Variants in MAML2 observed in about 807,000 individuals in gnomAD.
The protein encoded by MAML2 is mastermind like transcriptional coactivator 2, also known as mastermind-like protein 2.
A neutral mutation model predicts 96.1 loss-of-function variants in MAML2; 22 were observed. The observed-to-expected ratio is 0.23, with a 90% CI of 0.16 to 0.33. MAML2 has a LOEUF of 0.33. MAML2 is among the 10% of genes least tolerant of loss of function. The probability of loss-of-function intolerance (pLI) is 1.00; values close to 1 mark genes in which losing one functional copy is unlikely to be tolerated. For missense variants in MAML2, 1,367 were observed against 1,392.4 expected (o/e 0.98, Z 0.29); for synonymous variants, 561 against 521.3 (o/e 1.08, Z -1.04).
chr11:96,225,810 G>C (rs1862202368), intron 1 of MAML2, among the ~76,000 whole-genome samples: 1 of 151,470 alleles, frequency 6.6e-6, no homozygotes, highest in African/African-American at 2.4e-5. Flanking sequence ...CCCACCCTGG[G>C]TGACAGAGCG....
intron 1 of MAML2, among the ~76,000 whole-genome samples, chr11:96,145,600 C>A (rs1860802833): frequency 6.6e-6 from 1 of 152,190 alleles, no homozygotes; most frequent in African/African-American, 2.4e-5. Context: ...CTGTCTCTTT[C>A]ACTTATTAGC....
Position 96,221,655 on chromosome 11 carries a change from G to A in MAML2, c.513+119728C>T, listed in dbSNP as rs908925341. ...GTATTGAGCTCTTTGCTTCTGCACA[G>A]TATAGGGAAGATGTGAGTGGCAGTT... On this transcript the variant is annotated intron_variant, in intron 1 of 4. Coordinates refer to ENST00000524717, the MANE Select transcript of MAML2 (RefSeq NM_032427.4). Among the ~76,000 whole-genome samples, 4 of 145,206 alleles carry A rather than the reference G, an allele frequency of 2.8e-5. No homozygotes were observed. In the East Asian group the frequency reaches 8.5e-4, roughly 31 times the overall value.
In MAML2 at chr11:95,979,305, C is replaced by T; in HGVS notation, c.3114G>A (p.Gly1038=). 6 of 1,613,876 alleles carry T rather than the reference C, an allele frequency of 3.7e-6. No individual in the cohort carries two copies. The highest frequency in any genetic ancestry group is 1.3e-5 in the African/African-American group (1 of 75,038). The stretch of plus-strand genomic sequence containing the variant: ...GACCCCTGAGGGGACCCATGGTTTG[C>T]CCATTTAGTGTTTGGCTCATTTGGT... ...PMNQMSQTLN[G]QTMGPLRGLN... The change falls in exon 5 of 5, where the codon GGG becomes GGA. Residue 1038 remains glycine (G), a synonymous_variant. Coordinates refer to ENST00000524717, the MANE Select transcript of MAML2 (RefSeq NM_032427.4).
chr11:96,334,128 C>T (rs1293687460), intron 1 of MAML2, among the ~76,000 whole-genome samples: 1 of 152,178 alleles, frequency 6.6e-6, no homozygotes, highest in Non-Finnish European at 1.5e-5. Flanking sequence ...GTGATGTCTC[C>T]ATATTCAACT....
intron 2 of MAML2, among the ~76,000 whole-genome samples, chr11:96,088,050 T>C (rs1175461902): frequency 1.3e-5 from 2 of 152,186 alleles, no homozygotes; most frequent in African/African-American, 4.8e-5. Context: ...ATTAGATATA[T>C]ACAATACTAC....
rs189077388 is a variant in MAML2, at chr11:96,018,660, C to T, written c.2140-26937G>A. The stretch of plus-strand genomic sequence containing the variant: ...CGCCCAGGCTGGAGTGCAGTGGCAC[C>T]ATCTTGGCTCACTGCAACCTCTGCC... On this transcript the variant is annotated intron_variant, in intron 2 of 4. Coordinates refer to ENST00000524717, the MANE Select transcript of MAML2 (RefSeq NM_032427.4). Among the ~76,000 whole-genome samples, 17 of 152,248 alleles carry T rather than the reference C, an allele frequency of 1.1e-4. No individual in the cohort carries two copies. In the East Asian group the frequency reaches 2.9e-3, roughly 26 times the overall value.
At chr11:96,026,764 C>T (rs998124543) in intron 2 of MAML2, among the ~76,000 whole-genome samples, 3 of 146,866 alleles carry the variant, frequency 2.0e-5, no homozygotes, top group African/African-American at 5.1e-5. Flanking sequence ...CGAGTAGATA[C>T]GGCACAGTAG....
At chr11:96,138,530 T>C (rs17236265) in intron 1 of MAML2, among the ~76,000 whole-genome samples, 12,750 of 152,210 alleles carry the variant, frequency 0.084, 564 homozygotes, top group South Asian at 0.15. Flanking sequence ...AATGTTGAAC[T>C]CCTAATGGCT....
At chr11:96,111,920 T>C (rs1266263221) in intron 1 of MAML2, among the ~76,000 whole-genome samples, 1 of 147,278 alleles carries the variant, frequency 6.8e-6, no homozygotes, top group East Asian at 2.0e-4. Flanking sequence ...ATTTCTTATG[T>C]GTCCATTCAC....
intron 1 of MAML2, among the ~76,000 whole-genome samples, chr11:96,169,933 G>T (rs181313656): frequency 1.3e-5 from 2 of 152,352 alleles, no homozygotes; most frequent in East Asian, 3.9e-4. Context: ...GATTGCAGGC[G>T]TGGGCCACCG....
chr11:96,323,129 T>A (rs985302522), intron 1 of MAML2, among the ~76,000 whole-genome samples: 3 of 149,354 alleles, frequency 2.0e-5, no homozygotes, highest in African/African-American at 7.4e-5. Context: ...AAAAGCACTC[T>A]CCAAGAGACC....
intron 1 of MAML2, among the ~76,000 whole-genome samples, chr11:96,316,625 G>T (rs1863636139): frequency 6.6e-6 from 1 of 152,176 alleles, no homozygotes; most frequent in African/African-American, 2.4e-5. Flanking sequence ...GGCTTGAAAA[G>T]CGAGGCAGGC....
intron 1 of MAML2, among the ~76,000 whole-genome samples, chr11:96,191,668 A>G (rs1861655416): frequency 6.7e-6 from 1 of 150,090 alleles, no homozygotes; most frequent in Admixed American, 6.7e-5. Context: ...GCTACTCGGG[A>G]AGCTGAGGCA....
chr11:96,187,435 G>A (rs1305090887), intron 1 of MAML2, among the ~76,000 whole-genome samples: 1 of 152,206 alleles, frequency 6.6e-6, no homozygotes, highest in Non-Finnish European at 1.5e-5. Context: ...TTCACTTAAG[G>A]AATCACTGCT....
At chr11:96,197,670 T>G (rs1457632834) in intron 1 of MAML2, among the ~76,000 whole-genome samples, 1 of 152,216 alleles carries the variant, frequency 6.6e-6, no homozygotes, top group African/African-American at 2.4e-5. Flanking sequence ...CCAGGAAGTG[T>G]GCAGTGTGTG....
intron 1 of MAML2, among the ~76,000 whole-genome samples, chr11:96,327,336 A>T (rs1343087597): frequency 6.6e-6 from 1 of 152,208 alleles, no homozygotes; most frequent in Non-Finnish European, 1.5e-5. Flanking sequence ...TTGTAATATA[A>T]TGGAGTTTTT....
intron 2 of MAML2, among the ~76,000 whole-genome samples, chr11:96,045,337 A>T (rs886324406): frequency 6.6e-6 from 1 of 152,218 alleles, no homozygotes; most frequent in African/African-American, 2.4e-5. Context: ...ACTGAGGCTA[A>T]GAAGACCTGG....
At chr11:96,050,930 T>C (rs1858980348) in intron 2 of MAML2, among the ~76,000 whole-genome samples, 1 of 152,252 alleles carries the variant, frequency 6.6e-6, no homozygotes, top group South Asian at 2.1e-4. Context: ...TGGCAAGCTA[T>C]AGTTCTGATC....
At position 96,141,940 on chromosome 11, in the gene MAML2, C is replaced by A. The variant is rs1860737560; in HGVS notation, c.514-48423G>T. Among the ~76,000 whole-genome samples the A allele has an allele frequency of 3.3e-5, 5 of 152,256 alleles. No homozygotes were observed. In the South Asian group the frequency reaches 1.0e-3, roughly 32 times the overall value. ...CTGAGGCAGGATGAGAGAAAACTAGCCAAGGCGTTGGGGCGATCAAAAAAG... is the reference window on the plus strand; with the variant it reads ...CTGAGGCAGGATGAGAGAAAACTAGACAAGGCGTTGGGGCGATCAAAAAAG... On this transcript the variant is annotated intron_variant, in intron 1 of 4. Coordinates refer to ENST00000524717, the MANE Select transcript of MAML2 (RefSeq NM_032427.4).
Sources: gnomAD v4.1 joint callset for allele counts (sites outside exome capture counted in the v4.1 genomes callset) on GRCh38, gnomAD v4.1.1 for gene constraint, MANE v1.5 for transcripts, NCBI Gene and HGNC (gene_info 2026-07-23, HGNC 2026-07-21) for gene names.